PEAK3: variants seen among roughly 807,000 people sequenced by gnomAD.
The protein encoded by PEAK3 is PEAK family member 3.
PEAK3 carries 15 observed loss-of-function variants against 13.3 expected under a neutral mutation model. That is an observed-to-expected ratio of 1.13 (90% CI 0.75 to 1.73). The LOEUF is 1.73. PEAK3 is among the 40% of genes most tolerant of loss of function. PEAK3 has a pLI of 0.00. For synonymous variants in PEAK3, 347 were observed against 341.9 expected, an observed-to-expected ratio of 1.01 and a Z score of -0.17; for missense variants, 739 against 690.2, an observed-to-expected ratio of 1.07 and a Z score of -0.79.
At chr19:2,280,753 A>G (rs1426309047) in intron 2 of PEAK3, 97 bp downstream of exon 2, 1 of 962,542 alleles carries the variant, frequency 1.0e-6, no homozygotes, top group Non-Finnish European at 1.6e-6. Flanking sequence ...GGTGCCCGGC[A>G]ACCTCCTGCC....
rs555763836 is a variant in PEAK3, at chr19:2,279,953, C to T, written c.83-840G>A. Among the ~76,000 whole-genome samples, 23 of 151,000 alleles carry T rather than the reference C, an allele frequency of 1.5e-4. No individual in the cohort carries two copies. In the South Asian group the frequency reaches 4.8e-3, roughly 32 times the overall value. The stretch of plus-strand genomic sequence containing the variant: ...ATTTTTAGTAGAGATGGGGTTTCAC[C>T]ATGTTAGCCAGGCTGGTTTCAAACT... On this transcript the variant is annotated intron_variant, in intron 2 of 3. Coordinates refer to ENST00000342063, the MANE Select transcript of PEAK3 (RefSeq NM_198532.3).
rs545091868 is a variant in PEAK3, at chr19:2,277,669, T to C, written c.612+915A>G. Among the ~76,000 whole-genome samples, 73 of 151,352 alleles carry C rather than the reference T, an allele frequency of 4.8e-4. 1 individual carries two copies. The highest frequency in any genetic ancestry group is 1.5e-3 in the Admixed American group (22 of 15,164). ...GCAACCTCCGCCTCCCAGGTTCAAG[T>C]GATTCTCCTGCCTTAGCCTCCAAGT... On this transcript the variant is annotated intron_variant, in intron 3 of 3. Transcript: ENST00000342063.
At position 2,276,324 on chromosome 19, in the gene PEAK3, G is replaced by A. The variant is rs1048932024; in HGVS notation, c.778C>T (p.Arg260Cys). ...TCCGCCAGCCACTGCGCCACCGTGC[G>A]CTCTGGAACCTCGGCTGCCAGCGCC... The part of the protein sequence containing the change: ...AVALAAEVPE[R>C]TVAQWLAEAC... Residue 260 changes from arginine (R) to cysteine (C), a missense_variant, in exon 4 of 4, where the codon CGC (arginine) becomes TGC (cysteine). Transcript: ENST00000342063. The A allele has an allele frequency of 2.5e-6, 4 of 1,598,664 alleles. No individual in the cohort carries two copies. Among genetic ancestry groups the A allele is most frequent in the Admixed American group, 3.3e-5 (2 of 59,854 alleles).
intron 3 of PEAK3, 113 bp from the exon 4 acceptor site, chr19:2,276,602 C>T: frequency 4.5e-6 from 4 of 897,708 alleles, no homozygotes; most frequent in Non-Finnish European, 6.5e-6. Context: ...ACTGCCCCCA[C>T]TACGGCTAGG....
At chr19:2,279,314 A>C (rs948933146) in intron 2 of PEAK3, among the ~76,000 whole-genome samples, 9 of 152,168 alleles carry the variant, frequency 5.9e-5, no homozygotes. Flanking sequence ...GTTTGAGACC[A>C]GCCTGGGCAA....
At chr19:2,278,526 TTA>T in intron 3 of PEAK3, 56 bp downstream of exon 3, 2 of 1,379,902 alleles carry the variant, frequency 1.4e-6, no homozygotes, top group Non-Finnish European at 1.9e-6. Context: ...AAGCCCTGGG[TTA>T]TGTCTAAGAT....
chr19:2,277,726 C>T lies in PEAK3; in HGVS notation c.612+858G>A, dbSNP rs192468895. On this transcript the variant is annotated intron_variant, in intron 3 of 3. Coordinates refer to ENST00000342063, the MANE Select transcript of PEAK3 (RefSeq NM_198532.3). The stretch of plus-strand genomic sequence containing the variant: ...GACTTCAGGTGCGCACCACCGCGCC[C>T]GGCTAATTTTTGTATTTTTAGTAGA... Among the ~76,000 whole-genome samples the T allele has an allele frequency of 6.6e-5, 10 of 152,150 alleles. No homozygotes were observed. The East Asian group carries it at 7.7e-4, about 12-fold the overall frequency.
rs2025382013 is a variant in PEAK3 at position 2,275,985 on chromosome 19, C to T, written c.1117G>A (p.Gly373Ser). Residue 373 changes from glycine (G) to serine (S), a missense_variant, in exon 4 of 4, where the codon GGC becomes AGC. Physicochemically the swap from Gly to Ser is moderately conservative, Grantham distance 56. Coordinates refer to ENST00000342063, the MANE Select transcript of PEAK3 (RefSeq NM_198532.3). The stretch of plus-strand genomic sequence containing the variant: ...AGCTGTGCTGCCAGGAGCTCCAGGC[C>T]CGCGGCCAAAGGCGTGGTCGAGGGC... ...AAPSTTPLAAGLELLAAQLTR... is the reference protein window; with the variant it reads ...AAPSTTPLAASLELLAAQLTR... 1 of 1,415,680 alleles carries T rather than the reference C, an allele frequency of 7.1e-7. No homozygotes were observed. The highest frequency in any genetic ancestry group is 9.2e-7 in the Non-Finnish European group (1 of 1,091,126). The allele number at this position is 1,415,680 out of a possible 1,614,324, so 87.7% of individuals were successfully genotyped here.
Position 2,278,998 on chromosome 19 carries a change from C to T in PEAK3, c.198G>A (p.Arg66=), listed in dbSNP as rs1173548742. ...TCCTGCGGGTGGGCAGTGACTGGGTCCGGGTTAGGATCTTCTTGGGCAGGG... is the reference window on the plus strand; with the variant it reads ...TCCTGCGGGTGGGCAGTGACTGGGTTCGGGTTAGGATCTTCTTGGGCAGGG... ...PPPLPKKILT[R]TQSLPTRRTL... The change falls in exon 3 of 4, where the codon CGG becomes CGA. Residue 66 remains arginine, a synonymous_variant. Transcript: ENST00000342063. The T allele has an allele frequency of 6.3e-7, 1 of 1,582,622 alleles. No homozygotes were observed. Among genetic ancestry groups the T allele is most frequent in the East Asian group, 2.3e-5 (1 of 44,060 alleles).
intron 1 of PEAK3, among the ~76,000 whole-genome samples, chr19:2,281,318 C>G (rs4324263): frequency 4.7e-5 from 4 of 85,774 alleles, no homozygotes; most frequent in East Asian, 7.8e-4. Context: ...CCTCTCTGGG[C>G]CCCTGATGTG....
chr19:2,277,035 A>G (rs1430731103), intron 3 of PEAK3, among the ~76,000 whole-genome samples: 1 of 152,014 alleles, frequency 6.6e-6, no homozygotes, highest in Non-Finnish European at 1.5e-5. Flanking sequence ...AAAACAAAAA[A>G]CACAAAAGCA....
At position 2,274,950 on chromosome 19, in the gene PEAK3, AAAAG is replaced by A. The variant is rs1414895288; in HGVS notation, c.*726_*729del. On this transcript the variant is annotated 3_prime_UTR_variant, in exon 4 of 4. Coordinates refer to ENST00000342063, the MANE Select transcript of PEAK3 (RefSeq NM_198532.3). ...TCGTCTCAAAAAAAAAAAAAAAAAA[AAAAG>A]AAAAAGAAAGTGGAACTGGAACAGT... is the stretch of plus-strand genomic sequence containing the variant. 7.3e-6 allele frequency: 1 copy of A among 136,128 alleles called. No homozygotes were observed. Among genetic ancestry groups the A allele is most frequent in the African/African-American group, 2.5e-5 (1 of 39,630 alleles). 8.4% of individuals were successfully genotyped at this position (136,128 alleles called of 1,614,324 possible).
intron 3 of PEAK3, 103 bp from the exon 4 acceptor site, chr19:2,276,592 A>T: frequency 1.0e-6 from 1 of 968,142 alleles, no homozygotes; most frequent in South Asian, 1.8e-5. Flanking sequence ...ACACCCCCAA[A>T]CTGCCCCCAC....
chr19:2,277,334 C>T (rs539205339), intron 3 of PEAK3, among the ~76,000 whole-genome samples: 3 of 152,096 alleles, frequency 2.0e-5, no homozygotes, highest in East Asian at 1.9e-4. Flanking sequence ...AGTGAGTTCT[C>T]GTGAGATCTG....
rs140660078 is a variant in PEAK3, at chr19:2,280,904, G to T, written c.28C>A (p.Pro10Thr). The change falls in exon 2 of 4, where the codon CCC (proline) becomes ACC (threonine). Residue 10 changes from proline (P) to threonine (T), a missense_variant. Coordinates refer to ENST00000342063, the MANE Select transcript of PEAK3 (RefSeq NM_198532.3). ...CAGGTGGGGTTGTCGGGCTCGGGGG[G>T]CTCTGTGGGGGGCTCCGGGCTGCTC... Reference protein sequence around the residue: MSSPEPPTEPPEPDNPTWST... With the variant: MSSPEPPTETPEPDNPTWST... 3 of 1,589,004 alleles carry T rather than the reference G, an allele frequency of 1.9e-6. No individual in the cohort carries two copies. The highest frequency in any genetic ancestry group is 1.1e-5 in the South Asian group (1 of 88,056).
At position 2,275,593 on chromosome 19, in the gene PEAK3, G is replaced by T; in HGVS notation, c.*87C>A. 8.4e-7 allele frequency: 1 copy of T among 1,193,550 alleles called. No homozygotes were observed. The highest frequency in any genetic ancestry group is 1.1e-6 in the Non-Finnish European group (1 of 917,880). The allele number at this position is 1,193,550 out of a possible 1,614,324, so 73.9% of individuals were successfully genotyped here. On this transcript the variant is annotated 3_prime_UTR_variant, in exon 4 of 4. Transcript: ENST00000342063. Reference sequence around the variant, plus strand: ...CTCCTGGACTCTGCAGGAAGAGGGTGTCTTGGCTATCATGGAGACGCTGAC... The same window carrying T: ...CTCCTGGACTCTGCAGGAAGAGGGTTTCTTGGCTATCATGGAGACGCTGAC...
intron 2 of PEAK3, among the ~76,000 whole-genome samples, chr19:2,279,795 C>T (rs1360480999): frequency 6.6e-6 from 1 of 150,952 alleles, no homozygotes; most frequent in African/African-American, 2.4e-5. Context: ...TGTCGCCCAG[C>T]CTGGAGTGCA....
chr19:2,275,956 G>A lies in PEAK3; in HGVS notation c.1146C>T (p.Thr382=), dbSNP rs1031210674. 1 of 1,407,996 alleles carries A rather than the reference G, an allele frequency of 7.1e-7. No homozygotes were observed. The highest frequency in any genetic ancestry group is 1.5e-5 in the South Asian group (1 of 66,814). The allele number at this position is 1,407,996 out of a possible 1,614,324, so 87.2% of individuals were successfully genotyped here. A position where few individuals can be genotyped will look rare whatever the true frequency, so the allele number is the denominator to read the frequency against. ...TCCGGGACGCCGAGGGCCGCAAGCG[G>A]GTCAGCTGTGCTGCCAGGAGCTCCA... The part of the protein sequence containing the change: ...AGLELLAAQL[T]RLRPSASRTR... The change falls in exon 4 of 4, where the codon ACC becomes ACT. Residue 382 remains threonine, a synonymous_variant. Transcript: ENST00000342063.
chr19:2,276,477 C>A lies in PEAK3; in HGVS notation c.625G>T (p.Gly209Trp). The change falls in exon 4 of 4, where the codon GGG becomes TGG. Residue 209 changes from glycine to tryptophan, a missense_variant. Transcript: ENST00000342063. ...HILVAKVPKP[G>W]ADVPHPWGLE... The stretch of plus-strand genomic sequence containing the variant: ...CCCCACGGGTGGGGCACGTCCGCCC[C>A]GGGCTTGGGCACCTGCAAGGCAGAG... 1 of 1,537,838 alleles carries A rather than the reference C, an allele frequency of 6.5e-7. No individual in the cohort carries two copies. Among genetic ancestry groups the A allele is most frequent in the Non-Finnish European group, 8.7e-7 (1 of 1,148,576 alleles).
Sources: gnomAD v4.1 joint callset for allele counts (sites outside exome capture counted in the v4.1 genomes callset) on GRCh38, gnomAD v4.1.1 for gene constraint, MANE v1.5 for transcripts, NCBI Gene and HGNC (gene_info 2026-07-23, HGNC 2026-07-21) for gene names.